The following TTC29 variants were observed in gnomAD, a reference collection of about 807,000 sequenced individuals.
TTC29 encodes the protein tetratricopeptide repeat domain 29.
In TTC29, 49 loss-of-function variants were observed where a neutral mutation model predicts 58.1. The observed-to-expected ratio is 0.84, with a 90% confidence interval of 0.67 to 1.07. The LOEUF is 1.07. TTC29 is among the 50% of genes least tolerant of loss of function. The pLI, the probability that TTC29 is intolerant of heterozygous loss-of-function variation, is 0.00. For missense variants in TTC29, 582 were observed against 555.6 expected (o/e 1.05, Z -0.48); for synonymous variants, 209 against 196.8 (o/e 1.06, Z -0.52).
At chr4:146,876,593 A>C (rs1410948334) in intron 6 of TTC29, among the ~76,000 whole-genome samples, 3 of 152,182 alleles carry the variant, frequency 2.0e-5, no homozygotes, top group South Asian at 2.1e-4. Flanking sequence ...AGTATTCTCA[A>C]AGAAAAACAA....
chr4:146,844,969 T>C (rs1252741266), intron 8 of TTC29, among the ~76,000 whole-genome samples: 1 of 152,146 alleles, frequency 6.6e-6, no homozygotes, highest in African/African-American at 2.4e-5. Context: ...AGTGAATTGA[T>C]GGACTGCTGC....
intron 11 of TTC29, among the ~76,000 whole-genome samples, chr4:146,798,646 T>A (rs1749990942): frequency 6.6e-6 from 1 of 151,706 alleles, no homozygotes; most frequent in African/African-American, 2.4e-5. Flanking sequence ...ATCCCAGCAC[T>A]TTGGGAGGCC....
intron 11 of TTC29, among the ~76,000 whole-genome samples, chr4:146,784,187 A>G (rs2150091996): frequency 6.6e-6 from 1 of 152,090 alleles, no homozygotes; most frequent in South Asian, 2.1e-4. Flanking sequence ...AAAAGGACAT[A>G]AATATAGTGT....
At chr4:146,876,333 T>A (rs749465902) in intron 6 of TTC29, among the ~76,000 whole-genome samples, 6 of 152,290 alleles carry the variant, frequency 3.9e-5, no homozygotes, top group Non-Finnish European at 5.9e-5. Flanking sequence ...TAATTTACCA[T>A]GTTTATTAAG....
chr4:146,745,297 C>T (rs1745461400), intron 11 of TTC29, among the ~76,000 whole-genome samples: 1 of 152,168 alleles, frequency 6.6e-6, no homozygotes, highest in South Asian at 2.1e-4. Flanking sequence ...GATTTATTGG[C>T]AAGAACCAGA....
In TTC29 at chr4:146,815,352, G is replaced by A. The variant is rs150044276; in HGVS notation, c.1101+4773C>T. On this transcript the variant is annotated intron_variant, in intron 10 of 12. Coordinates refer to ENST00000325106, the MANE Select transcript of TTC29 (RefSeq NM_031956.4). ...GGAGCCGGGGGAGAGGAGAATTGAA[G>A]GATTTTCAGATTTTTGCCTTAAGTG... 2.8e-3 allele frequency among the ~76,000 whole-genome samples: 420 copies of A among 152,246 alleles called. 3 individuals are homozygous for A. The highest frequency in any genetic ancestry group is 4.5e-3 in the Non-Finnish European group (309 of 68,008).
chr4:146,774,649 A>G (rs1579642178), intron 11 of TTC29, among the ~76,000 whole-genome samples: 1 of 152,204 alleles, frequency 6.6e-6, no homozygotes, highest in East Asian at 1.9e-4. Context: ...TGTGCGGTAG[A>G]TTTTAAAATA....
At chr4:146,728,806 CAT>C (rs1166582892) in intron 11 of TTC29, among the ~76,000 whole-genome samples, 1 of 124,292 alleles carries the variant, frequency 8.0e-6, no homozygotes, top group Non-Finnish European at 1.7e-5. Flanking sequence ...TATATATACA[CAT>C]ATATATGTGT....
chr4:146,708,939 G>C (rs1742279578), intron 11 of TTC29, among the ~76,000 whole-genome samples: 1 of 151,726 alleles, frequency 6.6e-6, no homozygotes, highest in African/African-American at 2.4e-5. Context: ...AAGATGGGTT[G>C]GTGTCCTCTC....
intron 6 of TTC29, among the ~76,000 whole-genome samples, chr4:146,898,232 A>T (rs1732908010): frequency 6.6e-6 from 1 of 152,222 alleles, no homozygotes; most frequent in Non-Finnish European, 1.5e-5. Context: ...GAAAGGGGAC[A>T]GTCCCTTATA....
chr4:146,878,687 A>G (rs1215472507), intron 6 of TTC29, among the ~76,000 whole-genome samples: 1 of 152,214 alleles, frequency 6.6e-6, no homozygotes, highest in Non-Finnish European at 1.5e-5. Flanking sequence ...TGTGTTAAAA[A>G]TAATGATCAA....
intron 11 of TTC29, among the ~76,000 whole-genome samples, chr4:146,789,523 G>A (rs1231370646): frequency 6.6e-6 from 1 of 151,828 alleles, no homozygotes; most frequent in African/African-American, 2.4e-5. Flanking sequence ...TTTTCCACAG[G>A]GTATCTTAAA....
rs976034512 is a variant in TTC29, at chr4:146,777,030, G to A, written c.1330+26427C>T. Among the ~76,000 whole-genome samples the A allele has an allele frequency of 8.5e-5, 13 of 152,218 alleles. No individual in the cohort carries two copies. In the South Asian group the frequency reaches 1.5e-3, roughly 17 times the overall value. On this transcript the variant is annotated intron_variant, in intron 11 of 12. Transcript: ENST00000325106. ...TGGTGGCGGTGGTGCAGGGAGGGGT[G>A]GGGTTACCAGTGTCTTTGCCATGTT...
At chr4:146,757,199 C>T (rs931572470) in intron 11 of TTC29, among the ~76,000 whole-genome samples, 11 of 150,588 alleles carry the variant, frequency 7.3e-5, no homozygotes, top group Non-Finnish European at 1.0e-4. Context: ...GGCTGTTGTT[C>T]GGATTTTTTT....
intron 11 of TTC29, among the ~76,000 whole-genome samples, chr4:146,749,283 C>T (rs1671118703): frequency 6.6e-6 from 1 of 151,942 alleles, no homozygotes; most frequent in African/African-American, 2.4e-5. Flanking sequence ...TGTGCTCCAG[C>T]CTGGGTGACA....
rs1192247975 is a variant in TTC29, at chr4:146,738,830, C to A, written c.1331-31279G>T. On this transcript the variant is annotated intron_variant, in intron 11 of 12. Transcript: ENST00000325106. ...TGACGTCATGAAGCTTCCATAAAGA[C>A]CCAAGAGGGCAAGGTTGGGGAGCTT... 2.0e-5 allele frequency among the ~76,000 whole-genome samples: 3 copies of A among 152,070 alleles called. No homozygotes were observed. The East Asian group carries it at 5.8e-4, about 29-fold the overall frequency.
At chr4:146,814,904 A>G (rs942793108) in intron 10 of TTC29, among the ~76,000 whole-genome samples, 1 of 152,164 alleles carries the variant, frequency 6.6e-6, no homozygotes, top group Non-Finnish European at 1.5e-5. Context: ...CAAATGTTCT[A>G]AGGCAGGAAC....
intron 11 of TTC29, among the ~76,000 whole-genome samples, chr4:146,739,938 T>C (rs906936083): frequency 1.3e-5 from 2 of 152,208 alleles, no homozygotes; most frequent in Middle Eastern, 3.4e-3. Flanking sequence ...CAAAGAAATA[T>C]GAATAGAAGT....
chr4:146,924,769 T>C (rs1734816664), intron 4 of TTC29, among the ~76,000 whole-genome samples: 1 of 151,962 alleles, frequency 6.6e-6, no homozygotes, highest in Non-Finnish European at 1.5e-5. Flanking sequence ...TAATTTGCTT[T>C]CTTTTTCCAG....
Sources: gnomAD v4.1 joint callset for allele counts (sites outside exome capture counted in the v4.1 genomes callset) on GRCh38, gnomAD v4.1.1 for gene constraint, MANE v1.5 for transcripts, NCBI Gene and HGNC (gene_info 2026-07-23, HGNC 2026-07-21) for gene names.